SH3BGRL3: variants seen among roughly 807,000 people sequenced by gnomAD.
The protein encoded by SH3BGRL3 is SH3 domain-binding glutamic acid-rich-like protein 3.
In SH3BGRL3, 8 loss-of-function variants were observed where a neutral mutation model predicts 11.9. The ratio of observed to expected loss-of-function variants is 0.67; its 90% confidence interval spans 0.40 to 1.22. The LOEUF (loss-of-function observed/expected upper bound fraction) is 1.22. Ranked by LOEUF, SH3BGRL3 falls within the 50% of genes most tolerant of loss-of-function variation. The probability of loss-of-function intolerance (pLI) is 0.01; values close to 1 mark genes in which losing one functional copy is unlikely to be tolerated. For missense variants in SH3BGRL3, 119 were observed against 120.1 expected (o/e 0.99, Z 0.04); for synonymous variants, 55 against 52.3 (o/e 1.05, Z -0.22).
At position 26,280,917 on chromosome 1, in the gene SH3BGRL3, G is replaced by A. The variant is rs1479811812; in HGVS notation, c.201G>A (p.Gly67=). 1.9e-6 allele frequency: 3 copies of A among 1,613,038 alleles called. No homozygotes were observed. The highest frequency in any genetic ancestry group is 2.5e-6 in the Non-Finnish European group (3 of 1,179,670). Residue 67 remains glycine, a synonymous_variant, in exon 2 of 3, where the codon GGG becomes GGA. Transcript: ENST00000270792. The part of the protein sequence containing the change: ...PKATPPQIVN[G]DQYCGDYELF... ...CCACCCCACCCCAGATTGTCAACGG[G>A]GACCAGTACTGTGGGGTATGGGCTG...
At position 26,281,240 on chromosome 1, in the gene SH3BGRL3, T is replaced by G; in HGVS notation, c.*117T>G. 1.0e-6 allele frequency: 1 copy of G among 961,144 alleles called. No homozygotes were observed. The highest frequency in any genetic ancestry group is 1.6e-6 in the Non-Finnish European group (1 of 640,104). The allele number at this position is 961,144 out of a possible 1,614,324, so 59.5% of individuals were successfully genotyped here. On this transcript the variant is annotated 3_prime_UTR_variant, in exon 3 of 3. Transcript: ENST00000270792. ...TGTCATTCCTAACCTAACCTTAGAG[T>G]CCCTCCCCCAATGCAGGCCACTTCT...
rs1219928626 is a variant in SH3BGRL3 at position 26,281,461 on chromosome 1, C to T, written c.*338C>T. ...CATCAGCCAGAGCTCTGCCAAAGGC[C>T]CCGCAGTCCCTCTCCCAGGAGGACC... On this transcript the variant is annotated 3_prime_UTR_variant, in exon 3 of 3. Coordinates refer to ENST00000270792, the MANE Select transcript of SH3BGRL3 (RefSeq NM_031286.4). The T allele has an allele frequency of 3.8e-6, 1 of 259,992 alleles. No homozygotes were observed. Among genetic ancestry groups the T allele is most frequent in the Non-Finnish European group, 7.5e-6 (1 of 133,052 alleles). The allele number at this position is 259,992 out of a possible 1,614,324, so 16.1% of individuals were successfully genotyped here. A position where few individuals can be genotyped will look rare whatever the true frequency, so the allele number is the denominator to read the frequency against.
Position 26,280,183 on chromosome 1 carries a change from T to C in SH3BGRL3, c.28T>C (p.Ser10Pro). 1.3e-6 allele frequency: 2 copies of C among 1,557,164 alleles called. No homozygotes were observed. Among genetic ancestry groups the C allele is most frequent in the Non-Finnish European group, 1.7e-6 (2 of 1,154,816 alleles). The change falls in exon 1 of 3, where the codon TCG becomes CCG. Residue 10 changes from serine (S) to proline (P), a missense_variant. Ser to Pro is a moderately conservative substitution (Grantham distance 74, BLOSUM62 -1). Transcript: ENST00000270792. MSGLRVYSTSVTGSREIKSQ... is the reference protein window; with the variant it reads MSGLRVYSTPVTGSREIKSQ... ...GAGCGGCCTGCGCGTCTACAGCACG[T>C]CGGTCACCGGCTCCCGCGAAGTAAG...
chr1:26,280,956 T>TGGGGGTCGGGGGGGGG, intron 2 of SH3BGRL3, 24 bp downstream of exon 2: 3 of 764,930 alleles, frequency 3.9e-6, no homozygotes, highest in Non-Finnish European at 6.4e-6. Context: ...GACGGGGGGG[T>TGGGGGTCGGGGGGGGG]GGGGGGAGTG....
chr1:26,280,429 TCCC>T (rs2072958773), intron 1 of SH3BGRL3, among the ~76,000 whole-genome samples: 1 of 151,640 alleles, frequency 6.6e-6, no homozygotes, highest in Non-Finnish European at 1.5e-5. Flanking sequence ...CCCGTGCCCA[TCCC>T]CCATCAACCC....
intron 1 of SH3BGRL3, 105 bp from the exon 2 acceptor site, chr1:26,280,660 T>TG (rs1208318081): frequency 6.5e-6 from 9 of 1,377,652 alleles, no homozygotes; most frequent in Admixed American, 3.5e-5. Context: ...TGGAGGGGAA[T>TG]GGGGGGACAA....
At position 26,281,323 on chromosome 1, in the gene SH3BGRL3, C is replaced by T. The variant is rs898611687; in HGVS notation, c.*200C>T. 1.8e-6 allele frequency: 1 copy of T among 543,206 alleles called. No homozygotes were observed. The highest frequency in any genetic ancestry group is 3.3e-6 in the Non-Finnish European group (1 of 305,124). The allele number at this position is 543,206 out of a possible 1,614,324, so 33.6% of individuals were successfully genotyped here. ...TCCATCTAAAGGCAACATTCCTTAC[C>T]CATTAGTCTCAGAAATTGTCTTAAG... On this transcript the variant is annotated 3_prime_UTR_variant, in exon 3 of 3. Coordinates refer to ENST00000270792, the MANE Select transcript of SH3BGRL3 (RefSeq NM_031286.4).
Sources: allele counts gnomAD v4.1 joint callset (sites outside exome capture counted in the v4.1 genomes callset), GRCh38; gene constraint gnomAD v4.1.1; transcripts MANE v1.5; gene names NCBI Gene and HGNC (gene_info 2026-07-23, HGNC 2026-07-21).